Variants in GRIN2B observed in about 807,000 individuals in gnomAD.
The protein encoded by GRIN2B is glutamate receptor ionotropic, NMDA 2B.
GRIN2B carries 5 observed loss-of-function variants against 114.5 expected under a neutral mutation model. The observed-to-expected ratio is 0.04, with a 90% CI of 0.02 to 0.09. GRIN2B has a LOEUF of 0.09. Among genes scored for constraint, GRIN2B ranks in the 10% least tolerant of loss-of-function variants. The pLI is 1.00. For missense variants in GRIN2B, 1,108 were observed against 1,943.5 expected, an observed-to-expected ratio of 0.57 and a Z score of 8.08; for synonymous variants, 787 against 745.1, an observed-to-expected ratio of 1.06 and a Z score of -0.92.
In GRIN2B at chr12:13,875,298, G is replaced by A. The variant is rs1329583667; in HGVS notation, c.-18-9072C>T. Among the ~76,000 whole-genome samples the A allele has an allele frequency of 2.6e-5, 4 of 152,232 alleles. No homozygotes were observed. In the East Asian group the frequency reaches 7.7e-4, roughly 29 times the overall value. ...AATCCCAGCACTGTGAGAGGCCAAG[G>A]TGGGTGGATCACGAGGTCAAGAGAT... On this transcript the variant is annotated intron_variant, in intron 2 of 13. Coordinates refer to ENST00000609686, the MANE Select transcript of GRIN2B (RefSeq NM_000834.5).
At chr12:13,802,272 C>T (rs1864529453) in intron 3 of GRIN2B, among the ~76,000 whole-genome samples, 1 of 152,056 alleles carries the variant, frequency 6.6e-6, no homozygotes. Flanking sequence ...TTCAACTTCA[C>T]TAGTAAATCA....
rs1867637308 is a variant in GRIN2B at position 13,958,691 on chromosome 12, T to C, written c.-19+21237A>G. ...TGTGTTTGGCAAGCCCAGATTTGCT[T>C]CCTCCTCCTCCCTCCACTCTTCCTC... On this transcript the variant is annotated intron_variant, in intron 2 of 13. Transcript: ENST00000609686. Among the ~76,000 whole-genome samples, 3 of 152,064 alleles carry C rather than the reference T, an allele frequency of 2.0e-5. 1 individual carries two copies. The South Asian group carries it at 6.2e-4, about 32-fold the overall frequency.
chr12:13,699,692 A>T (rs1950292860), intron 4 of GRIN2B, among the ~76,000 whole-genome samples: 2 of 151,286 alleles, frequency 1.3e-5, no homozygotes, highest in Admixed American at 1.3e-4. Flanking sequence ...GGTTCAAGTG[A>T]TTTCTTCTGC....
intron 2 of GRIN2B, among the ~76,000 whole-genome samples, chr12:13,922,346 G>A (rs7962322): frequency 0.028 from 4,235 of 152,206 alleles, 201 homozygotes; most frequent in African/African-American, 0.097. Context: ...AATGGAAGGT[G>A]GAGAGAAAAA....
intron 4 of GRIN2B, among the ~76,000 whole-genome samples, chr12:13,741,196 A>G (rs1319365623): frequency 6.6e-6 from 1 of 151,862 alleles, no homozygotes; most frequent in Non-Finnish European, 1.5e-5. Flanking sequence ...CGCCCGGCTA[A>G]TTTTTTTGTA....
rs768218798 is a variant in GRIN2B, at chr12:13,538,565, A to G, written c.*24218T>C. 3 of 152,220 alleles carry G rather than the reference A, an allele frequency of 2.0e-5. No individual in the cohort carries two copies. Among genetic ancestry groups the G allele is most frequent in the Non-Finnish European group, 2.9e-5 (2 of 68,048 alleles). 9.4% of individuals were successfully genotyped at this position (152,220 alleles called of 1,614,324 possible). The stretch of plus-strand genomic sequence containing the variant: ...CACAGTGGCTCACACCTGTAATCCT[A>G]GCATCATAGGAAGCCGAGGCAGGCA... On this transcript the variant is annotated 3_prime_UTR_variant, in exon 14 of 14. Transcript: ENST00000609686.
At chr12:13,845,452 C>A (rs1487390577) in intron 3 of GRIN2B, among the ~76,000 whole-genome samples, 1 of 152,156 alleles carries the variant, frequency 6.6e-6, no homozygotes, top group African/African-American at 2.4e-5. Flanking sequence ...GAAGAGATAG[C>A]AATTCATTAC....
chr12:13,789,731 C>A (rs1245585528), intron 3 of GRIN2B, among the ~76,000 whole-genome samples: 2 of 152,078 alleles, frequency 1.3e-5, no homozygotes, highest in South Asian at 4.1e-4. Context: ...ATGTTACTTG[C>A]TATTTTTTTA....
In GRIN2B at chr12:13,550,192, C is replaced by T. The variant is rs1565445901; in HGVS notation, c.*12591G>A. 6.6e-6 allele frequency: 1 copy of T among 152,166 alleles called. No individual in the cohort carries two copies. The highest frequency in any genetic ancestry group is 1.9e-4 in the East Asian group (1 of 5,202). 9.4% of individuals were successfully genotyped at this position (152,166 alleles called of 1,614,324 possible). On this transcript the variant is annotated 3_prime_UTR_variant, in exon 14 of 14. Transcript: ENST00000609686. ...TTTGGAGAAGTGGTTATGGTAAATTCTTCTGTATTCACATACCAACTACTG... is the reference window on the plus strand; with the variant it reads ...TTTGGAGAAGTGGTTATGGTAAATTTTTCTGTATTCACATACCAACTACTG...
chr12:13,862,052 G>C (rs1865761301), intron 3 of GRIN2B, among the ~76,000 whole-genome samples: 1 of 152,148 alleles, frequency 6.6e-6, no homozygotes, highest in Non-Finnish European at 1.5e-5. Flanking sequence ...CTAACATTTA[G>C]GAAGTGATGC....
At chr12:13,606,750 C>G (rs1949254911) in intron 10 of GRIN2B, among the ~76,000 whole-genome samples, 1 of 151,928 alleles carries the variant, frequency 6.6e-6, no homozygotes, top group South Asian at 2.1e-4. Flanking sequence ...GTGTGCAACT[C>G]AGATTTTAGT....
chr12:13,912,305 G>C (rs534263150), intron 2 of GRIN2B, among the ~76,000 whole-genome samples: 13 of 152,196 alleles, frequency 8.5e-5, no homozygotes, highest in Admixed American at 2.6e-4. Context: ...AAAGAGAGGA[G>C]AAACAAGCAG....
chr12:13,653,309 C>A (rs781449753), intron 5 of GRIN2B, among the ~76,000 whole-genome samples: 3 of 151,980 alleles, frequency 2.0e-5, no homozygotes, highest in Non-Finnish European at 2.9e-5. Flanking sequence ...GGCTTGGGGT[C>A]TCTGTGAGAC....
chr12:13,584,738 A>C (rs536959173), intron 10 of GRIN2B, among the ~76,000 whole-genome samples: 20 of 152,372 alleles, frequency 1.3e-4, no homozygotes, highest in Admixed American at 1.2e-3. Context: ...CTTTGGCACC[A>C]AAAATGTGAC....
chr12:13,905,895 C>T (rs894851838), intron 2 of GRIN2B, among the ~76,000 whole-genome samples: 1 of 152,168 alleles, frequency 6.6e-6, no homozygotes, highest in Non-Finnish European at 1.5e-5. Flanking sequence ...CATAAAATTG[C>T]CTGTGCATAT....
At chr12:13,584,413 T>TATGAATGAATGAGTGATTTA (rs1948890901) in intron 10 of GRIN2B, among the ~76,000 whole-genome samples, 1 of 152,210 alleles carries the variant, frequency 6.6e-6, no homozygotes, top group Admixed American at 6.5e-5. Context: ...AAGCTCTCAA[T>TATGAATGAATGAGTGATTTA]ATGAATGAAT....
intron 2 of GRIN2B, among the ~76,000 whole-genome samples, chr12:13,884,391 T>C (rs1055168875): frequency 3.9e-5 from 6 of 152,152 alleles, no homozygotes; most frequent in African/African-American, 1.4e-4. Context: ...GTTTTTGATG[T>C]TACTACAAAT....
At chr12:13,960,100 C>G (rs1867664189) in intron 2 of GRIN2B, among the ~76,000 whole-genome samples, 2 of 152,050 alleles carry the variant, frequency 1.3e-5, no homozygotes, top group African/African-American at 4.8e-5. Context: ...GGATGCTGAG[C>G]AGCATCCCAG....
At chr12:13,776,115 T>C (rs751763034) in intron 3 of GRIN2B, among the ~76,000 whole-genome samples, 3 of 152,214 alleles carry the variant, frequency 2.0e-5, no homozygotes, top group Non-Finnish European at 4.4e-5. Context: ...AATGAGATCA[T>C]GTTCTTGGCA....
Sources: gnomAD v4.1 joint callset for allele counts (sites outside exome capture counted in the v4.1 genomes callset) on GRCh38, gnomAD v4.1.1 for gene constraint, MANE v1.5 for transcripts, NCBI Gene and HGNC (gene_info 2026-07-23, HGNC 2026-07-21) for gene names.